Variants in CDK5RAP2 observed in about 807,000 individuals in gnomAD.
CDK5RAP2 encodes CDK5 regulatory subunit-associated protein 2.
A neutral mutation model predicts 232.9 loss-of-function variants in CDK5RAP2; 147 were observed. The ratio of observed to expected loss-of-function variants is 0.63; its 90% CI spans 0.55 to 0.72. The LOEUF (loss-of-function observed/expected upper bound fraction) is 0.72. Ranked by LOEUF, CDK5RAP2 falls within the 30% of genes least tolerant of loss-of-function variation. The pLI is 0.00. For missense variants in CDK5RAP2, 2,195 were observed against 2,231.5 expected (o/e 0.98, Z 0.33); for synonymous variants, 833 against 833.7 (o/e 1.00, Z 0.01).
intron 12 of CDK5RAP2, among the ~76,000 whole-genome samples, chr9:120,509,488 C>T (rs896796253): frequency 2.0e-5 from 3 of 152,218 alleles, no homozygotes; most frequent in Non-Finnish European, 2.9e-5. Flanking sequence ...ATCAACCCCA[C>T]TTTAGGGGAG....
chr9:120,455,736 CAA>C lies in CDK5RAP2; in HGVS notation c.2376-1865_2376-1864del, dbSNP rs774549079. ...TGGGCAACAGAGCCAAACCTTGTGT[CAA>C]AAAAAAAAAAAAATCAAGAAAGGTG... On this transcript the variant is annotated intron_variant, in intron 20 of 37. Transcript: ENST00000349780. 8.7e-4 allele frequency among the ~76,000 whole-genome samples: 114 copies of C among 131,346 alleles called. 1 individual carries two copies. Among genetic ancestry groups the C allele is most frequent in the African/African-American group, 2.0e-3 (71 of 35,696 alleles). The allele number at this position is 131,346 out of a possible 152,430, so 86.2% of individuals were successfully genotyped here.
At chr9:120,404,396 GT>G (rs1564174430) in intron 32 of CDK5RAP2, among the ~76,000 whole-genome samples, 1 of 152,220 alleles carries the variant, frequency 6.6e-6, no homozygotes, top group African/African-American at 2.4e-5. Flanking sequence ...AACACAGGCT[GT>G]TGGGGCTCAG....
chr9:120,413,830 A>AGGAGCGAGGAG (rs1554731826), intron 28 of CDK5RAP2, among the ~76,000 whole-genome samples: 6 of 93,234 alleles, frequency 6.4e-5, no homozygotes, highest in African/African-American at 2.8e-4. Flanking sequence ...GGGAGGAGGG[A>AGGAGCGAGGAG]GGAGGGAGGA....
intron 12 of CDK5RAP2, among the ~76,000 whole-genome samples, chr9:120,506,890 T>C (rs1056694469): frequency 6.6e-6 from 1 of 152,240 alleles, no homozygotes; most frequent in Admixed American, 6.5e-5. Context: ...TAGAATATTA[T>C]GTAAACTTAG....
Position 120,431,041 on chromosome 9 carries a change from T to A in CDK5RAP2, c.3955+6254A>T, listed in dbSNP as rs1245327935. ...AAAACCAAACACCGCATGTTCTCACTCATAGATGGGAATTGAACAATGAGA... is the reference window on the plus strand; with the variant it reads ...AAAACCAAACACCGCATGTTCTCACACATAGATGGGAATTGAACAATGAGA... On this transcript the variant is annotated intron_variant, in intron 25 of 37. Transcript: ENST00000349780. 2.0e-5 allele frequency among the ~76,000 whole-genome samples: 3 copies of A among 152,082 alleles called. No homozygotes were observed. In the East Asian group the frequency reaches 5.8e-4, roughly 29 times the overall value.
At chr9:120,408,561 G>T in intron 30 of CDK5RAP2, 93 bp from the exon 31 acceptor site, 1 of 1,371,400 alleles carries the variant, frequency 7.3e-7, no homozygotes. Flanking sequence ...TCCACCCTCA[G>T]TCACAAGAGT....
chr9:120,417,265 G>A (rs1432620767), intron 27 of CDK5RAP2, among the ~76,000 whole-genome samples: 1 of 131,024 alleles, frequency 7.6e-6, no homozygotes, highest in Non-Finnish European at 1.6e-5. Flanking sequence ...AACTCTAGGT[G>A]CCCAGGCATT....
intron 25 of CDK5RAP2, among the ~76,000 whole-genome samples, chr9:120,435,973 A>C (rs964512102): frequency 6.6e-6 from 1 of 152,226 alleles, no homozygotes; most frequent in African/African-American, 2.4e-5. Flanking sequence ...AGAATCATCA[A>C]TATATGGTAA....
At chr9:120,565,314 C>A (rs1588668450) in intron 3 of CDK5RAP2, among the ~76,000 whole-genome samples, 1 of 152,162 alleles carries the variant, frequency 6.6e-6, no homozygotes, top group East Asian at 1.9e-4. Flanking sequence ...GCTCCACATT[C>A]CTCCCTTTGG....
rs71385064 is a variant in CDK5RAP2 at position 120,497,421 on chromosome 9, TAAAAAAAAAAAAAAAAAA to T, written c.1312-5962_1312-5945del. The stretch of plus-strand genomic sequence containing the variant: ...AGAATTATCAATAAAAAAATAAATT[TAAAAAAAAAAAAAAAAAA>T]AAAAAAAAAAAAAAAGAATCATCAA... On this transcript the variant is annotated intron_variant, in intron 12 of 37. Coordinates refer to ENST00000349780, the MANE Select transcript of CDK5RAP2 (RefSeq NM_018249.6). Among the ~76,000 whole-genome samples the T allele has an allele frequency of 1.7e-3, 40 of 23,320 alleles. 7 individuals carry two copies. In the South Asian group the frequency reaches 0.018, roughly 10 times the overall value. 15.3% of individuals were successfully genotyped at this position (23,320 alleles called of 152,430 possible).
chr9:120,396,579 G>C (rs543523940), intron 35 of CDK5RAP2, among the ~76,000 whole-genome samples: 1 of 152,180 alleles, frequency 6.6e-6, no homozygotes, highest in Admixed American at 6.5e-5. Flanking sequence ...CCGGGGCTCA[G>C]TGTCTCCCCA....
chr9:120,443,573 C>A, intron 23 of CDK5RAP2, 47 bp downstream of exon 23: 1 of 1,605,986 alleles, frequency 6.2e-7, no homozygotes, highest in Non-Finnish European at 8.5e-7. Context: ...CCAAATGGTG[C>A]CTGGCACATG....
chr9:120,460,906 A>C (rs544368877), intron 18 of CDK5RAP2, among the ~76,000 whole-genome samples: 1 of 152,344 alleles, frequency 6.6e-6, no homozygotes, highest in South Asian at 2.1e-4. Context: ...ATTCCCCAAG[A>C]AAATAACTAA....
At position 120,539,164 on chromosome 9, in the gene CDK5RAP2, G is replaced by A. The variant is rs1301469563; in HGVS notation, c.384C>T (p.Ser128=). 5.0e-6 allele frequency: 8 copies of A among 1,613,698 alleles called. No homozygotes were observed. The highest frequency in any genetic ancestry group is 6.8e-6 in the Non-Finnish European group (8 of 1,179,798). ...CTTCAGCTAAGCTCTCAACTGCTTT[G>A]CTGCAAAAAGAGGCACAGGGGTAAA... ...QEREQLLIKA[S]KAVESLAEAG... Residue 128 remains serine, a splice_region_variant and synonymous_variant, in exon 6 of 38, where the codon TCC becomes TCT. Coordinates refer to ENST00000349780, the MANE Select transcript of CDK5RAP2 (RefSeq NM_018249.6).
chr9:120,513,814 T>G (rs1402821443), intron 12 of CDK5RAP2, among the ~76,000 whole-genome samples: 1 of 152,206 alleles, frequency 6.6e-6, no homozygotes, highest in Non-Finnish European at 1.5e-5. Flanking sequence ...AGGTCTAGGT[T>G]TTTCTGTCTG....
At chr9:120,526,885 TC>T (rs1189582857) in intron 10 of CDK5RAP2, among the ~76,000 whole-genome samples, 1 of 152,130 alleles carries the variant, frequency 6.6e-6, no homozygotes, top group Non-Finnish European at 1.5e-5. Flanking sequence ...CATAATGGCA[TC>T]CCCGTCCCTG....
At chr9:120,518,756 T>A (rs2040483554) in intron 11 of CDK5RAP2, 111 bp from the exon 12 acceptor site, 2 of 806,610 alleles carry the variant, frequency 2.5e-6, no homozygotes, top group Non-Finnish European at 4.1e-6. Flanking sequence ...AGAAAAAGAT[T>A]AACATAGACA....
At chr9:120,406,114 TG>T (rs1203883931) in intron 32 of CDK5RAP2, 1 of 152,262 alleles carries the variant, frequency 6.6e-6, no homozygotes, top group Admixed American at 6.5e-5. Context: ...ACGAGCGGAC[TG>T]ACCAGGTGCT....
intron 1 of CDK5RAP2, 64 bp downstream of exon 1, chr9:120,579,856 G>C: frequency 7.4e-7 from 1 of 1,354,804 alleles, no homozygotes; most frequent in African/African-American, 1.4e-5. Flanking sequence ...GGCCGCGTTA[G>C]AACGAAATCC....
Sources: gnomAD v4.1 joint callset for allele counts (sites outside exome capture counted in the v4.1 genomes callset) on GRCh38, gnomAD v4.1.1 for gene constraint, MANE v1.5 for transcripts, NCBI Gene and HGNC (gene_info 2026-07-23, HGNC 2026-07-21) for gene names.